ESRRG: variants seen among roughly 807,000 people sequenced by gnomAD.
The protein encoded by ESRRG is estrogen-related receptor gamma.
Under a neutral mutation model 44.0 loss-of-function variants are expected in ESRRG, and 13 were observed. The ratio of observed to expected loss-of-function variants is 0.30; its 90% CI spans 0.19 to 0.47. The LOEUF is 0.47. Ranked by LOEUF, ESRRG falls within the 20% of genes least tolerant of loss-of-function variation. The pLI is 1.00. For synonymous variants in ESRRG, 215 were observed against 214.6 expected, an observed-to-expected ratio of 1.00 and a Z score of -0.02; for missense variants, 395 against 580.6, an observed-to-expected ratio of 0.68 and a Z score of 3.29.
At chr1:216,642,087 T>C (rs1170852767) in intron 3 of ESRRG, among the ~76,000 whole-genome samples, 1 of 152,156 alleles carries the variant, frequency 6.6e-6, no homozygotes, top group Non-Finnish European at 1.5e-5. Context: ...ATTTCTGATG[T>C]TCCCAAAGAA....
At chr1:216,735,979 C>CAA (rs5780916) in intron 2 of ESRRG, among the ~76,000 whole-genome samples, 3,928 of 115,428 alleles carry the variant, frequency 0.034, 170 homozygotes, top group African/African-American at 0.093. Context: ...CTCCCCATCT[C>CAA]AAAAAAAAAT....
At chr1:216,600,661 T>A (rs2059087405) in intron 3 of ESRRG, among the ~76,000 whole-genome samples, 2 of 151,996 alleles carry the variant, frequency 1.3e-5, no homozygotes, top group Admixed American at 1.3e-4. Flanking sequence ...AAAAATAAAG[T>A]CTTAAAAAAA....
intron 1 of ESRRG, among the ~76,000 whole-genome samples, chr1:217,052,595 T>C (rs2151257286): frequency 6.6e-6 from 1 of 152,332 alleles, no homozygotes; most frequent in Admixed American, 6.5e-5. Flanking sequence ...TTTGACAGAA[T>C]ATCCAAGAGT....
At chr1:217,033,527 A>C (rs1339714960) in intron 1 of ESRRG, among the ~76,000 whole-genome samples, 4 of 152,212 alleles carry the variant, frequency 2.6e-5, no homozygotes, top group African/African-American at 7.2e-5. Flanking sequence ...TATTAAGCCC[A>C]AAAAAGATGT....
intron 1 of ESRRG, among the ~76,000 whole-genome samples, chr1:217,135,170 C>G (rs1452815718): frequency 6.6e-6 from 1 of 152,226 alleles, no homozygotes; most frequent in Admixed American, 6.5e-5. Context: ...TCCATCTGGA[C>G]GCACCTCGTC....
chr1:216,920,387 T>A (rs1266138260), intron 2 of ESRRG, among the ~76,000 whole-genome samples: 2 of 103,362 alleles, frequency 1.9e-5, no homozygotes, highest in Non-Finnish European at 4.2e-5. Context: ...TATGGGAGTG[T>A]GTGTGTGTGT....
chr1:216,607,696 T>C (rs900281517), intron 3 of ESRRG, among the ~76,000 whole-genome samples: 2 of 152,190 alleles, frequency 1.3e-5, no homozygotes, highest in South Asian at 2.1e-4. Context: ...ACCACAACTA[T>C]TTTATTTTCA....
intron 1 of ESRRG, among the ~76,000 whole-genome samples, chr1:217,133,695 T>TCTTTC (rs2093007124): frequency 1.2e-5 from 1 of 82,726 alleles, no homozygotes; most frequent in African/African-American, 3.6e-5. Flanking sequence ...AACTGTGCTT[T>TCTTTC]TACTTTGAGT....
intron 2 of ESRRG, among the ~76,000 whole-genome samples, chr1:216,732,495 G>A (rs2089030958): frequency 6.6e-6 from 1 of 151,812 alleles, no homozygotes; most frequent in Non-Finnish European, 1.5e-5. Context: ...TCTTGCCTCG[G>A]CCTCCAGAGT....
intron 2 of ESRRG, among the ~76,000 whole-genome samples, chr1:216,664,824 A>G (rs1359921716): frequency 6.6e-6 from 1 of 152,134 alleles, no homozygotes; most frequent in African/African-American, 2.4e-5. Context: ...TCTTCTAAGA[A>G]TTAAAAATAG....
chr1:216,513,034 TTACACC>T (rs1300580407), intron 6 of ESRRG, among the ~76,000 whole-genome samples: 2 of 152,170 alleles, frequency 1.3e-5, no homozygotes, highest in Admixed American at 1.3e-4. Context: ...ATACATTGTC[TTACACC>T]TAGTGAAACT....
chr1:216,932,423 A>C (rs1230037592), intron 2 of ESRRG, among the ~76,000 whole-genome samples: 1 of 152,210 alleles, frequency 6.6e-6, no homozygotes, highest in Non-Finnish European at 1.5e-5. Flanking sequence ...ATAATTTTAA[A>C]ATTGCAAATT....
intron 1 of ESRRG, among the ~76,000 whole-genome samples, chr1:217,052,258 T>C (rs1179597051): frequency 1.3e-5 from 2 of 152,328 alleles, no homozygotes; most frequent in Admixed American, 6.5e-5. Context: ...AAAGTGTCAC[T>C]GCAACTTCAG....
At chr1:216,609,176 C>T (rs568693465) in intron 3 of ESRRG, among the ~76,000 whole-genome samples, 22 of 152,332 alleles carry the variant, frequency 1.4e-4, no homozygotes, top group Non-Finnish European at 2.8e-4. Flanking sequence ...TATACCTCTG[C>T]TACATAGGAT....
chr1:216,810,000 G>C (rs1050531555), intron 2 of ESRRG, among the ~76,000 whole-genome samples: 9 of 152,196 alleles, frequency 5.9e-5, no homozygotes, highest in African/African-American at 2.2e-4. Flanking sequence ...GAATGAGGAA[G>C]AGAGAGACAG....
chr1:216,552,360 G>C (rs779524734), intron 5 of ESRRG, among the ~76,000 whole-genome samples: 4 of 152,104 alleles, frequency 2.6e-5, no homozygotes, highest in Non-Finnish European at 5.9e-5. Context: ...AGCATTAATA[G>C]ACCTGAGTTT....
chr1:217,067,779 G>A (rs2089973875), intron 1 of ESRRG, among the ~76,000 whole-genome samples: 1 of 152,118 alleles, frequency 6.6e-6, no homozygotes, highest in African/African-American at 2.4e-5. Flanking sequence ...GTTCATGTGA[G>A]AGAAGACACA....
In ESRRG at chr1:217,025,371, T is replaced by C. The variant is rs1183638332; in HGVS notation, c.-106+64136A>G. ...CTGCTTTAAAAAAAAAAAGTAATGG[T>C]TTGATAAAAGATAACTGATTTGGCT... On this transcript the variant is annotated intron_variant, in intron 1 of 7. Coordinates refer to the ESRRG transcript ENST00000359162. Among the ~76,000 whole-genome samples, 2 of 151,760 alleles carry C rather than the reference T, an allele frequency of 1.3e-5. 1 individual carries two copies.
At chr1:216,536,581 G>A (rs770105670) in intron 5 of ESRRG, among the ~76,000 whole-genome samples, 1 of 151,932 alleles carries the variant, frequency 6.6e-6, no homozygotes, top group Non-Finnish European at 1.5e-5. Flanking sequence ...TTAATCAGGG[G>A]TCACCTCTTC....
Sources: allele counts gnomAD v4.1 joint callset (sites outside exome capture counted in the v4.1 genomes callset), GRCh38; gene constraint gnomAD v4.1.1; transcripts MANE v1.5; gene names NCBI Gene and HGNC (gene_info 2026-07-23, HGNC 2026-07-21).